Variants in CYBA observed in about 807,000 individuals in gnomAD.
The protein encoded by CYBA is cytochrome b-245 alpha chain.
A neutral mutation model predicts 20.8 loss-of-function variants in CYBA; 21 were observed. The ratio of observed to expected loss-of-function variants is 1.01; its 90% CI spans 0.72 to 1.46. The LOEUF (loss-of-function observed/expected upper bound fraction) is 1.46, where lower values mean the gene tolerates loss of function less well. Among genes scored for constraint, CYBA ranks in the 40% most tolerant of loss-of-function variants. CYBA has a pLI of 0.00. For synonymous variants in CYBA, 164 were observed against 127.5 expected, an observed-to-expected ratio of 1.29 and a Z score of -1.93; for missense variants, 344 against 287.0, an observed-to-expected ratio of 1.20 and a Z score of -1.43.
intron 3 of CYBA, 131 bp from the exon 4 acceptor site, chr16:88,646,969 C>A: frequency 8.4e-7 from 1 of 1,185,668 alleles, no homozygotes; most frequent in South Asian, 1.3e-5. Context: ...AGGCACCGGC[C>A]TTGGTTTACC....
Position 88,643,689 on chromosome 16 carries a change from AGGATGGTGT to A in CYBA, c.370-127_370-119del, listed in dbSNP as rs1907174857. ...ACAGGCTCAAGTCTGAATCCCACGC[AGGATGGTGT>A]GACTGCCACTCAGAGAGGTTAAGTG... is the stretch of plus-strand genomic sequence containing the variant. On this transcript the variant is annotated intron_variant, in intron 5 of 5. Coordinates refer to ENST00000261623, the MANE Select transcript of CYBA (RefSeq NM_000101.4). This position sits in a 1 kb window ranked among gnomAD's most constrained non-coding sequence, Gnocchi z 4.3. 1 of 968,484 alleles carries A rather than the reference AGGATGGTGT, an allele frequency of 1.0e-6. No individual in the cohort carries two copies. The highest frequency in any genetic ancestry group is 1.8e-5 in the African/African-American group (1 of 56,604). The allele number at this position is 968,484 out of a possible 1,614,324, so 60.0% of individuals were successfully genotyped here.
rs377304407 is a variant in CYBA, at chr16:88,645,665, A to C, written c.369+451T>G. 1.0e-4 allele frequency: 60 copies of C among 577,226 alleles called. 1 individual carries two copies. The highest frequency in any genetic ancestry group is 6.7e-4 in the South Asian group (32 of 47,600). The allele number at this position is 577,226 out of a possible 1,614,324, so 35.8% of individuals were successfully genotyped here. On this transcript the variant is annotated intron_variant, in intron 5 of 5. Transcript: ENST00000261623. ...TAACAGGGTGCAGCAGTCATAAACCAAACGCAGGTGTCGGCAGTTTAAGAA... is the reference window on the plus strand; with the variant it reads ...TAACAGGGTGCAGCAGTCATAAACCCAACGCAGGTGTCGGCAGTTTAAGAA...
Position 88,645,586 on chromosome 16 carries a change from C to A in CYBA, c.369+530G>T. The stretch of plus-strand genomic sequence containing the variant: ...GGCCAGGCTGCGCCCTGTCCTCCCA[C>A]CCATCCCTGGCCTCTCAGAGAGATC... On this transcript the variant is annotated intron_variant, in intron 5 of 5. Transcript: ENST00000261623. 3 of 618,166 alleles carry A rather than the reference C, an allele frequency of 4.9e-6. No homozygotes were observed. The South Asian group carries it at 5.6e-5, about 12-fold the overall frequency. 38.3% of individuals were successfully genotyped at this position (618,166 alleles called of 1,614,324 possible). A position where few individuals can be genotyped will look rare whatever the true frequency, so the allele number is the denominator to read the frequency against.
chr16:88,647,882 G>GC, intron 2 of CYBA, 163 bp downstream of exon 2: 1 of 694,362 alleles, frequency 1.4e-6, no homozygotes, highest in Admixed American at 2.1e-5. Flanking sequence ...CTGGCGAGGG[G>GC]CCTGGCTGCT....
intron 1 of CYBA, among the ~76,000 whole-genome samples, 182 bp from the exon 2 acceptor site, chr16:88,648,296 G>A (rs1412629066): frequency 6.6e-6 from 1 of 152,242 alleles, no homozygotes; most frequent in Non-Finnish European, 1.5e-5. Flanking sequence ...GAAGAGCAGA[G>A]CCTGTGGCGC....
intron 1 of CYBA, among the ~76,000 whole-genome samples, chr16:88,648,908 G>A (rs972581132): frequency 2.9e-5 from 4 of 140,096 alleles, no homozygotes; most frequent in African/African-American, 8.0e-5. Context: ...CATGAGCCAC[G>A]GCGCCTGGTC....
intron 1 of CYBA, among the ~76,000 whole-genome samples, chr16:88,649,523 G>C (rs547055922): frequency 1.5e-3 from 225 of 152,358 alleles, no homozygotes; most frequent in African/African-American, 5.3e-3. Context: ...GTACAGGGGG[G>C]ACTCTTTGTC....
chr16:88,648,420 T>C (rs1907370058), intron 1 of CYBA, among the ~76,000 whole-genome samples: 1 of 152,094 alleles, frequency 6.6e-6, no homozygotes, highest in Admixed American at 6.5e-5. Context: ...TGGACCCCCT[T>C]GTCACCATGA....
At chr16:88,650,729 G>A (rs530185187) in intron 1 of CYBA, 49 of 614,176 alleles carry the variant, frequency 8.0e-5, no homozygotes, top group Middle Eastern at 7.7e-4. Flanking sequence ...GGGGCGCCGC[G>A]CTCCGCAGGG....
chr16:88,648,937 CTTTTTT>C (rs35341429), intron 1 of CYBA, among the ~76,000 whole-genome samples: 2 of 119,652 alleles, frequency 1.7e-5, no homozygotes, highest in Admixed American at 9.1e-5. Context: ...TATTTTATTT[CTTTTTT>C]TTTTTTTTTT....
chr16:88,646,741 G>A lies in CYBA; in HGVS notation c.287+14C>T, dbSNP rs369338695. 9.9e-6 allele frequency: 16 copies of A among 1,610,802 alleles called. No individual in the cohort carries two copies. Among genetic ancestry groups the A allele is most frequent in the Non-Finnish European group, 1.3e-5 (15 of 1,177,382 alleles). ...CCTCCTGAGCCCTAGAGGGGGTGCGGGACGGGGACTCACAGGAGATGCAGG... is the reference window on the plus strand; with the variant it reads ...CCTCCTGAGCCCTAGAGGGGGTGCGAGACGGGGACTCACAGGAGATGCAGG... On this transcript the variant is annotated intron_variant, in intron 4 of 5. Coordinates refer to ENST00000261623, the MANE Select transcript of CYBA (RefSeq NM_000101.4).
At position 88,643,502 on chromosome 16, in the gene CYBA, T is replaced by C; in HGVS notation, c.439A>G (p.Thr147Ala). 6.5e-7 allele frequency: 1 copy of C among 1,534,168 alleles called. No individual in the cohort carries two copies. Among genetic ancestry groups the C allele is most frequent in the Non-Finnish European group, 8.7e-7 (1 of 1,145,966 alleles). ...GGGTTGCTGGGCGGCTGCTTGATGG[T>C]GCCTCCGATCTGCGGCCGCTCCCGG... The part of the protein sequence containing the change: ...KPRERPQIGG[T>A]IKQPPSNPPP... The change falls in exon 6 of 6, where the codon ACC becomes GCC. Residue 147 changes from threonine to alanine, a missense_variant. Thr to Ala is a moderately conservative substitution (Grantham distance 58). Coordinates refer to ENST00000261623, the MANE Select transcript of CYBA (RefSeq NM_000101.4). This position sits in a 1 kb window ranked among gnomAD's most constrained non-coding sequence, Gnocchi z 4.3.
At chr16:88,645,929 A>C in intron 5 of CYBA, 187 bp downstream of exon 5, 2 of 611,332 alleles carry the variant, frequency 3.3e-6, no homozygotes, top group Non-Finnish European at 5.9e-6. Context: ...CACACTAGAC[A>C]CGCCAAAAAT....
intron 1 of CYBA, among the ~76,000 whole-genome samples, chr16:88,648,889 G>A (rs1345065302): frequency 6.6e-6 from 1 of 150,436 alleles, no homozygotes; most frequent in Non-Finnish European, 1.5e-5. Flanking sequence ...AGAGTGTTGG[G>A]ATTACAGGCA....
Position 88,643,407 on chromosome 16 carries a change from TC to T in CYBA, c.533del (p.Gly178AspfsTer13). 8.5e-6 allele frequency: 13 copies of T among 1,524,976 alleles called. No homozygotes were observed. Among genetic ancestry groups the T allele is most frequent in the Admixed American group, 4.0e-5 (2 of 49,956 alleles). The allele number at this position is 1,524,976 out of a possible 1,614,324, so 94.5% of individuals were successfully genotyped here. On this transcript the variant is annotated frameshift_variant, in exon 6 of 6. Transcript: ENST00000261623. The surrounding 1 kb of genome is among the most constrained non-coding windows in gnomAD (Gnocchi z 4.3). Reference protein sequence around the residue: ...SEEEAAVAAGGPPGGPQVNPI... With the variant: ...SEEEAAVAAGXPPGGPQVNPI... ...GGTTGACCTGGGGACCTCCCGGGGG[TC>T]CCCCCGCCGCCACCGCAGCCTCCTC...
intron 1 of CYBA, chr16:88,650,713 G>A (rs1019663820): frequency 4.9e-6 from 3 of 614,026 alleles, no homozygotes; most frequent in African/African-American, 1.8e-5. Context: ...AGAAGGGAAT[G>A]GGGGAGGGGC....
At chr16:88,647,561 C>T in intron 2 of CYBA, 1 of 367,360 alleles carries the variant, frequency 2.7e-6, no homozygotes, top group Non-Finnish European at 5.3e-6. Flanking sequence ...CAGCCACTGC[C>T]TGAGGTCACA....
At chr16:88,648,240 G>T in intron 1 of CYBA, 126 bp from the exon 2 acceptor site, 1 of 867,638 alleles carries the variant, frequency 1.2e-6, no homozygotes, top group Non-Finnish European at 1.8e-6. Flanking sequence ...CCACAGCACA[G>T]TGACAGGGTC....
Position 88,643,696 on chromosome 16 carries a change from T to G in CYBA, c.370-125A>C, listed in dbSNP as rs1366784880. On this transcript the variant is annotated intron_variant, in intron 5 of 5. Transcript: ENST00000261623. This position sits in a 1 kb window ranked among gnomAD's most constrained non-coding sequence, Gnocchi z 4.3. The stretch of plus-strand genomic sequence containing the variant: ...CAAGTCTGAATCCCACGCAGGATGG[T>G]GTGACTGCCACTCAGAGAGGTTAAG... 2.2e-6 allele frequency: 2 copies of G among 899,690 alleles called. No individual in the cohort carries two copies. Among genetic ancestry groups the G allele is most frequent in the Admixed American group, 2.2e-5 (1 of 45,450 alleles). 55.7% of individuals were successfully genotyped at this position (899,690 alleles called of 1,614,324 possible).
Sources: allele counts gnomAD v4.1 joint callset (sites outside exome capture counted in the v4.1 genomes callset), GRCh38; gene constraint gnomAD v4.1.1; non-coding constraint Gnocchi (gnomAD v3.1); transcripts MANE v1.5; gene names NCBI Gene and HGNC (gene_info 2026-07-23, HGNC 2026-07-21).